The following MAP4K1 variants were observed in gnomAD, a reference collection of about 807,000 sequenced individuals.
MAP4K1 encodes the protein mitogen-activated protein kinase kinase kinase kinase 1.
A neutral mutation model predicts 122.8 loss-of-function variants in MAP4K1; 35 were observed. The ratio of observed to expected loss-of-function variants is 0.29; its 90% CI spans 0.22 to 0.38. The LOEUF (loss-of-function observed/expected upper bound fraction) is 0.38, where lower values mean the gene tolerates loss of function less well. MAP4K1 is among the 10% of genes least tolerant of loss of function. MAP4K1 has a pLI of 1.00. For missense variants in MAP4K1, 791 were observed against 1,072.6 expected (o/e 0.74, Z 3.67); for synonymous variants, 412 against 421.3 (o/e 0.98, Z 0.27).
At chr19:38,609,572 C>G (rs1319308736) in intron 13 of MAP4K1, 24 bp downstream of exon 13, 9 of 1,608,502 alleles carry the variant, frequency 5.6e-6, no homozygotes, top group Non-Finnish European at 6.8e-6. Flanking sequence ...CAGGTGTCCC[C>G]AAACATAAGG....
At chr19:38,610,372 A>ATTTTTTTTTTTTTT (rs35103992) in intron 11 of MAP4K1, among the ~76,000 whole-genome samples, 1 of 76,178 alleles carries the variant, frequency 1.3e-5, no homozygotes, top group African/African-American at 6.0e-5. Context: ...CGCCCAGCTA[A>ATTTTTTTTTTTTTT]TTTTTTTTTT....
At position 38,597,347 on chromosome 19, in the gene MAP4K1, CT is replaced by C; in HGVS notation, c.1815del (p.Gly606AlafsTer35). On this transcript the variant is annotated frameshift_variant, in exon 24 of 31. Transcript: ENST00000396857. LOFTEE classifies it high-confidence loss of function. This position sits in a 1 kb window ranked among gnomAD's most constrained non-coding sequence, Gnocchi z 4.6. ...TCACCCACACAGCACGCCCGGCAGC[CT>C]TTGGTGTCCTGGATCTTGGTGGAAA... The part of the protein sequence containing the change: ...NMVSTKIQDT[K>X]GCRACCVAEG... 6.2e-7 allele frequency: 1 copy of C among 1,614,098 alleles called. No homozygotes were observed.
chr19:38,611,083 T>G lies in MAP4K1; in HGVS notation c.778A>C (p.Lys260Gln). 6.2e-7 allele frequency: 1 copy of G among 1,613,084 alleles called. No individual in the cohort carries two copies. Among genetic ancestry groups the G allele is most frequent in the Non-Finnish European group, 8.5e-7 (1 of 1,179,676 alleles). The change falls in exon 11 of 31, where the codon AAG becomes CAG. Residue 260 changes from lysine to glutamine, a missense_variant. Physicochemically the swap from Lys to Gln is moderately conservative, Grantham distance 53. This residue lies in a region of MAP4K1 where 303 missense variants were observed against 344.8 expected (regional missense o/e 0.88). Coordinates refer to ENST00000396857, the MANE Select transcript of MAP4K1 (RefSeq NM_001042600.3). ...ATCTTGGTGGCGCTGGGTCGTTTCT[T>G]GGGACTCTTAGTCAGAGTGACTTTG... is the stretch of plus-strand genomic sequence containing the variant. ...FIKVTLTKSP[K>Q]KRPSATKMLS...
Position 38,597,457 on chromosome 19 carries a change from G to A in MAP4K1, c.1778+29C>T, listed in dbSNP as rs147743975. ...GGGGCATGGGAGGAATTATAAGGCT[G>A]TGTGGTGCCATTCATTGGGAGCTGG... On this transcript the variant is annotated intron_variant, in intron 23 of 30. Transcript: ENST00000396857. This position sits in a 1 kb window ranked among gnomAD's most constrained non-coding sequence, Gnocchi z 4.6. The A allele has an allele frequency of 6.2e-7, 1 of 1,612,966 alleles. No individual in the cohort carries two copies. The highest frequency in any genetic ancestry group is 2.2e-5 in the East Asian group (1 of 44,874).
At chr19:38,603,368 A>G (rs1368088308) in intron 19 of MAP4K1, among the ~76,000 whole-genome samples, 2 of 150,954 alleles carry the variant, frequency 1.3e-5, no homozygotes, top group African/African-American at 4.9e-5. Context: ...ATATACACAC[A>G]TATACATATA....
intron 19 of MAP4K1, among the ~76,000 whole-genome samples, chr19:38,602,869 TG>T (rs1975149189): frequency 6.7e-6 from 1 of 148,452 alleles, no homozygotes; most frequent in Admixed American, 6.8e-5. Context: ...TATATACACA[TG>T]TACATATATA....
At chr19:38,602,801 CATATAT>C (rs1445139333) in intron 19 of MAP4K1, among the ~76,000 whole-genome samples, 1 of 114,646 alleles carries the variant, frequency 8.7e-6, no homozygotes, top group African/African-American at 3.4e-5. Context: ...TACACACATA[CATATAT>C]ACATATATAC....
In MAP4K1 at chr19:38,617,070, AC is replaced by A. The variant is rs1975667348; in HGVS notation, c.248+283del. Among the ~76,000 whole-genome samples the A allele has an allele frequency of 6.6e-6, 1 of 151,858 alleles. No individual in the cohort carries two copies. The highest frequency in any genetic ancestry group is 2.1e-4 in the South Asian group (1 of 4,812). ...AGACCAGCCTGGCCAAGATGGTGAAACCCCATCTCTACTAAAAATACAAAAA... is the reference window on the plus strand; with the variant it reads ...AGACCAGCCTGGCCAAGATGGTGAAACCCATCTCTACTAAAAATACAAAAA... On this transcript the variant is annotated intron_variant, in intron 3 of 30. Coordinates refer to ENST00000396857, the MANE Select transcript of MAP4K1 (RefSeq NM_001042600.3). The surrounding 1 kb of genome is among the most constrained non-coding windows in gnomAD (Gnocchi z 4.1).
chr19:38,595,417 G>A, intron 29 of MAP4K1, 68 bp downstream of exon 29: 1 of 1,516,862 alleles, frequency 6.6e-7, no homozygotes, highest in Non-Finnish European at 9.2e-7. Context: ...AGTTCTCGGA[G>A]CCCATCTGAT....
intron 19 of MAP4K1, 51 bp from the exon 20 acceptor site, chr19:38,601,576 G>T: frequency 1.5e-6 from 2 of 1,378,836 alleles, no homozygotes; most frequent in South Asian, 2.5e-5. Flanking sequence ...AGAGAGCAGG[G>T]AACAGGAAGG....
chr19:38,602,507 CGT>C (rs1403164002), intron 19 of MAP4K1, among the ~76,000 whole-genome samples: 2 of 149,472 alleles, frequency 1.3e-5, no homozygotes, highest in African/African-American at 4.9e-5. Context: ...CATATATACA[CGT>C]GTACATATAT....
chr19:38,602,732 GTA>G (rs1975128586), intron 19 of MAP4K1, among the ~76,000 whole-genome samples: 2 of 75,478 alleles, frequency 2.6e-5, no homozygotes, highest in African/African-American at 9.9e-5. Flanking sequence ...ACATATACAT[GTA>G]TACATATATA....
intron 30 of MAP4K1, among the ~76,000 whole-genome samples, chr19:38,590,964 ATCACACAC>A (rs1292833043): frequency 2.1e-5 from 3 of 141,448 alleles, no homozygotes; most frequent in African/African-American, 8.1e-5. Flanking sequence ...TCATTAAAAA[ATCACACAC>A]ACACACACAC....
intron 19 of MAP4K1, 170 bp from the exon 20 acceptor site, chr19:38,601,695 GTTTTC>G: frequency 5.4e-6 from 3 of 558,518 alleles, no homozygotes; most frequent in Non-Finnish European, 9.4e-6. Context: ...CATACATTGA[GTTTTC>G]TTTTCAGTTT....
intron 30 of MAP4K1, among the ~76,000 whole-genome samples, chr19:38,589,744 C>T (rs1277593511): frequency 6.6e-6 from 1 of 152,094 alleles, no homozygotes; most frequent in African/African-American, 2.4e-5. Context: ...CAAAGAAAAA[C>T]AGAGGCTGGG....
chr19:38,596,279 G>GC (rs1568624011), intron 26 of MAP4K1, 33 bp downstream of exon 26: 5 of 1,516,894 alleles, frequency 3.3e-6, no homozygotes, highest in Non-Finnish European at 4.4e-6. Context: ...GATCTGATAA[G>GC]CCCCGCCCTC....
intron 20 of MAP4K1, among the ~76,000 whole-genome samples, 194 bp from the exon 21 acceptor site, chr19:38,600,347 C>T (rs970879604): frequency 6.6e-6 from 1 of 152,110 alleles, no homozygotes; most frequent in African/African-American, 2.4e-5. Flanking sequence ...TCTCACTCTC[C>T]CTCCTTTTGA....
In MAP4K1 at chr19:38,595,922, G is replaced by A. The variant is rs964345502; in HGVS notation, c.2179+17C>T. 12 of 1,612,724 alleles carry A rather than the reference G, an allele frequency of 7.4e-6. No homozygotes were observed. The highest frequency in any genetic ancestry group is 1.0e-5 in the Non-Finnish European group (12 of 1,178,946). Reference sequence around the variant, plus strand: ...GCTGGAGGGGTGGGGAGGAAGGGGAGGAAGGAGGGTTCTCACCATCCATCA... The same window carrying A: ...GCTGGAGGGGTGGGGAGGAAGGGGAAGAAGGAGGGTTCTCACCATCCATCA... On this transcript the variant is annotated intron_variant, in intron 27 of 30. Coordinates refer to ENST00000396857, the MANE Select transcript of MAP4K1 (RefSeq NM_001042600.3).
intron 30 of MAP4K1, among the ~76,000 whole-genome samples, chr19:38,590,209 A>G (rs901452809): frequency 8.6e-5 from 13 of 151,018 alleles, no homozygotes; most frequent in Non-Finnish European, 1.8e-4. Flanking sequence ...CAAAATTCAG[A>G]ACGTGGAAAC....
Sources: allele counts gnomAD v4.1 joint callset (sites outside exome capture counted in the v4.1 genomes callset), GRCh38; gene constraint gnomAD v4.1.1; regional missense constraint gnomAD v4.1.1; non-coding constraint Gnocchi (gnomAD v3.1); transcripts MANE v1.5; gene names NCBI Gene and HGNC (gene_info 2026-07-23, HGNC 2026-07-21).